The following RNF150 variants were observed in gnomAD, a reference collection of about 807,000 sequenced individuals.
The protein encoded by RNF150 is ring finger protein 150.
A neutral mutation model predicts 39.3 loss-of-function variants in RNF150; 24 were observed. That is an observed-to-expected ratio of 0.61 (90% CI 0.44 to 0.86). RNF150 has a LOEUF of 0.86. RNF150 is among the 40% of genes least tolerant of loss of function. The probability of loss-of-function intolerance (pLI) is 0.00; values close to 1 mark genes in which losing one functional copy is unlikely to be tolerated. For missense variants in RNF150, 502 were observed against 587.8 expected (o/e 0.85, Z 1.51); for synonymous variants, 255 against 227.3 (o/e 1.12, Z -1.10).
chr4:141,194,903 C>G (rs929652159), intron 1 of RNF150, among the ~76,000 whole-genome samples: 1 of 152,084 alleles, frequency 6.6e-6, no homozygotes, highest in African/African-American at 2.4e-5. Context: ...GTGGTATCTA[C>G]CTCATAGGCT....
At chr4:141,143,662 C>T (rs1727157468) in intron 1 of RNF150, among the ~76,000 whole-genome samples, 1 of 152,218 alleles carries the variant, frequency 6.6e-6, no homozygotes, top group South Asian at 2.1e-4. Flanking sequence ...CGGTCTGCCC[C>T]TGCCTTTTCT....
chr4:141,044,794 C>T (rs923059288), intron 1 of RNF150, among the ~76,000 whole-genome samples: 2 of 149,806 alleles, frequency 1.3e-5, no homozygotes, highest in Admixed American at 1.3e-4. Context: ...CACACACACA[C>T]ACACAATTCA....
At chr4:140,935,046 A>AAAAT (rs1553993278) in intron 4 of RNF150, among the ~76,000 whole-genome samples, 2 of 93,688 alleles carry the variant, frequency 2.1e-5, no homozygotes, top group Admixed American at 1.2e-4. Context: ...TATATATATA[A>AAAAT]ATATATATAT....
intron 1 of RNF150, among the ~76,000 whole-genome samples, chr4:141,144,718 T>G (rs1042355247): frequency 3.9e-5 from 6 of 152,194 alleles, no homozygotes; most frequent in Admixed American, 3.9e-4. Context: ...ATCCTTACTT[T>G]GGAAAATATT....
intron 1 of RNF150, among the ~76,000 whole-genome samples, chr4:141,023,114 T>C (rs1735558729): frequency 6.6e-6 from 1 of 152,218 alleles, no homozygotes; most frequent in Non-Finnish European, 1.5e-5. Flanking sequence ...GCTTATTTAA[T>C]CAGTATTTGT....
In RNF150 at chr4:140,863,874, C is replaced by T. The variant is rs1450288079; in HGVS notation, c.*4387G>A. 1.3e-5 allele frequency: 2 copies of T among 152,016 alleles called. No individual in the cohort carries two copies. The highest frequency in any genetic ancestry group is 2.9e-5 in the Non-Finnish European group (2 of 68,006). The allele number at this position is 152,016 out of a possible 1,614,324, so 9.4% of individuals were successfully genotyped here. ...TCAGGGTGATACATTCAATGGATAA[C>T]TAAATGTCATTTAATTTTTTATGCT... On this transcript the variant is annotated 3_prime_UTR_variant, in exon 7 of 7. Coordinates refer to ENST00000515673, the MANE Select transcript of RNF150 (RefSeq NM_020724.2).
intron 1 of RNF150, among the ~76,000 whole-genome samples, chr4:141,077,664 A>G (rs78046168): frequency 0.014 from 2,203 of 152,324 alleles, 97 homozygotes; most frequent in East Asian, 0.14. Flanking sequence ...ACCATTGTTT[A>G]TAACTTGAGG....
intron 2 of RNF150, among the ~76,000 whole-genome samples, chr4:140,954,966 T>C (rs1414383594): frequency 6.6e-6 from 1 of 152,228 alleles, no homozygotes; most frequent in Non-Finnish European, 1.5e-5. Flanking sequence ...CTGTATTTTA[T>C]GATCATGTTC....
At chr4:140,924,475 A>C (rs750609930) in intron 5 of RNF150, among the ~76,000 whole-genome samples, 14 of 152,212 alleles carry the variant, frequency 9.2e-5, no homozygotes, top group Non-Finnish European at 1.5e-4. Flanking sequence ...GGCACTTAAT[A>C]TCTCTAAAAA....
At chr4:141,165,263 AT>A (rs2111163937) in intron 1 of RNF150, among the ~76,000 whole-genome samples, 1 of 152,308 alleles carries the variant, frequency 6.6e-6, no homozygotes, top group South Asian at 2.1e-4. Flanking sequence ...CTAAATATAT[AT>A]GCACCCAGTA....
At chr4:140,884,718 G>T (rs1202371387) in intron 6 of RNF150, among the ~76,000 whole-genome samples, 2 of 152,034 alleles carry the variant, frequency 1.3e-5, no homozygotes, top group Non-Finnish European at 2.9e-5. Flanking sequence ...CTGCTGCCTT[G>T]TTCCTGTCTG....
At chr4:141,143,526 G>C (rs2111129103) in intron 1 of RNF150, among the ~76,000 whole-genome samples, 1 of 152,274 alleles carries the variant, frequency 6.6e-6, no homozygotes, top group South Asian at 2.1e-4. Flanking sequence ...AGGCTCGCTT[G>C]TCACAGTGAA....
rs573982906 is a variant in RNF150 at position 141,132,145 on chromosome 4, C to T, written c.484+180G>A. Among the ~76,000 whole-genome samples the T allele has an allele frequency of 6.6e-6, 1 of 152,338 alleles. No homozygotes were observed. Among genetic ancestry groups the T allele is most frequent in the Admixed American group, 6.5e-5 (1 of 15,312 alleles). ...CTCTCCCCTACCCAATACAGTTAAT[C>T]TTCTCCTCTTTGTAAACCCCCCAAG... On this transcript the variant is annotated intron_variant, in intron 1 of 6. Coordinates refer to ENST00000515673, the MANE Select transcript of RNF150 (RefSeq NM_020724.2). The surrounding 1 kb of genome is among the most constrained non-coding windows in gnomAD (Gnocchi z 4.9).
At position 140,868,324 on chromosome 4, in the gene RNF150, C is replaced by T; in HGVS notation, c.1254G>A (p.Met418Ile). The T allele has an allele frequency of 6.2e-7, 1 of 1,613,672 alleles. No individual in the cohort carries two copies. Among genetic ancestry groups the T allele is most frequent in the Non-Finnish European group, 8.5e-7 (1 of 1,179,574 alleles). ...SDSDISLIMA[M>I]EVGLSDVELS... is the part of the protein sequence containing the mutation. ...GTTCTACATCAGACAGTCCAACCTC[C>T]ATTGCCATGATCAAGGAAATGTCAG... The change falls in exon 7 of 7, where the codon ATG (methionine) becomes ATA (isoleucine). Residue 418 changes from methionine (M) to isoleucine (I), a missense_variant. Physicochemically the swap from Met to Ile is conservative, Grantham distance 10. Coordinates refer to ENST00000515673, the MANE Select transcript of RNF150 (RefSeq NM_020724.2).
intron 1 of RNF150, among the ~76,000 whole-genome samples, chr4:141,211,866 T>C (rs1728474093): frequency 6.6e-6 from 1 of 152,186 alleles, no homozygotes; most frequent in Admixed American, 6.6e-5. Flanking sequence ...CCATCTCAAG[T>C]TCTATCCTCA....
intron 1 of RNF150, among the ~76,000 whole-genome samples, chr4:141,175,595 C>T (rs1727796089): frequency 6.6e-6 from 1 of 152,172 alleles, no homozygotes; most frequent in Admixed American, 6.5e-5. Context: ...TAACACTCTC[C>T]TCCCTACTTG....
At chr4:140,911,068 G>T in intron 6 of RNF150, 76 bp downstream of exon 6, 2 of 1,189,842 alleles carry the variant, frequency 1.7e-6, no homozygotes, top group Admixed American at 2.0e-5. Context: ...TTCTTTTTGA[G>T]GAAAGGTATT....
chr4:141,013,675 A>G (rs1224299518), intron 1 of RNF150, among the ~76,000 whole-genome samples: 2 of 152,214 alleles, frequency 1.3e-5, no homozygotes, highest in Non-Finnish European at 2.9e-5. Context: ...AGCATGCTGA[A>G]TTATTTAAAA....
chr4:141,041,058 T>C (rs1046336706), intron 1 of RNF150, among the ~76,000 whole-genome samples: 13 of 152,112 alleles, frequency 8.5e-5, no homozygotes, highest in Non-Finnish European at 1.8e-4. Context: ...AACGGTTTAG[T>C]AAATGTTGAC....
Sources: gnomAD v4.1 joint callset for allele counts (sites outside exome capture counted in the v4.1 genomes callset) on GRCh38, gnomAD v4.1.1 for gene constraint, Gnocchi (gnomAD v3.1) non-coding constraint, MANE v1.5 for transcripts, NCBI Gene and HGNC (gene_info 2026-07-23, HGNC 2026-07-21) for gene names.